Variants in PPARA observed in about 807,000 individuals in gnomAD.
PPARA encodes the protein peroxisome proliferator activated receptor alpha.
PPARA carries 22 observed loss-of-function variants against 42.2 expected under a neutral mutation model. That is an observed-to-expected ratio of 0.52 (90% CI 0.37 to 0.74). The LOEUF (loss-of-function observed/expected upper bound fraction) is 0.74. Among genes scored for constraint, PPARA ranks in the 30% least tolerant of loss-of-function variants. PPARA has a pLI of 0.00. For synonymous variants in PPARA, 242 were observed against 239.3 expected (o/e 1.01, Z -0.10); for missense variants, 465 against 608.2 (o/e 0.76, Z 2.48).
chr22:46,161,646 C>T lies in PPARA; in HGVS notation c.-127+9676C>T, dbSNP rs918045280. Among the ~76,000 whole-genome samples, 12 of 152,138 alleles carry T rather than the reference C, an allele frequency of 7.9e-5. No homozygotes were observed. Among genetic ancestry groups the T allele is most frequent in the Non-Finnish European group, 1.8e-4 (12 of 68,034 alleles). On this transcript the variant is annotated intron_variant, in intron 2 of 8. Coordinates refer to ENST00000407236, the MANE Select transcript of PPARA (RefSeq NM_005036.6). This position sits in a 1 kb window ranked among gnomAD's most constrained non-coding sequence, Gnocchi z 4.8. ...AACTCAGAAAAGGAATTAATTTCTTCTGAGAGAGAAAAAGATGAGATTCTA... is the reference window on the plus strand; with the variant it reads ...AACTCAGAAAAGGAATTAATTTCTTTTGAGAGAGAAAAAGATGAGATTCTA...
chr22:46,218,918 T>C (rs1294061336), intron 6 of PPARA, among the ~76,000 whole-genome samples: 1 of 150,746 alleles, frequency 6.6e-6, no homozygotes, highest in Non-Finnish European at 1.5e-5. Context: ...ATCCCAGCAC[T>C]TTGGAGGCCG....
Position 46,200,654 on chromosome 22 carries a change from G to A in PPARA, c.208+2063G>A, listed in dbSNP as rs1401996053. On this transcript the variant is annotated intron_variant, in intron 4 of 8. Transcript: ENST00000407236. The surrounding 1 kb of genome is among the most constrained non-coding windows in gnomAD (Gnocchi z 4.8). ...AACTTGGCTGGGCGCAGTGGCTCAC[G>A]CCTGTAATCCCAACACTTTGGGAGG... Among the ~76,000 whole-genome samples the A allele has an allele frequency of 6.6e-6, 1 of 152,240 alleles. No homozygotes were observed. Among genetic ancestry groups the A allele is most frequent in the African/African-American group, 2.4e-5 (1 of 41,464 alleles).
At chr22:46,172,164 G>T (rs763163334) in intron 2 of PPARA, among the ~76,000 whole-genome samples, 3 of 152,024 alleles carry the variant, frequency 2.0e-5, no homozygotes, top group African/African-American at 7.3e-5. Flanking sequence ...GGTGATCAGG[G>T]TTCTCCTTCA....
chr22:46,229,323 G>A (rs1432914739), intron 7 of PPARA, among the ~76,000 whole-genome samples: 1 of 152,088 alleles, frequency 6.6e-6, no homozygotes, highest in East Asian at 1.9e-4. Flanking sequence ...GAAGGCTGAG[G>A]TGGACAGATT....
chr22:46,178,922 C>T (rs956581510), intron 3 of PPARA, among the ~76,000 whole-genome samples: 2 of 152,112 alleles, frequency 1.3e-5, no homozygotes, highest in Admixed American at 6.6e-5. Context: ...GATGTGTACA[C>T]AGTGAAGCAG....
intron 3 of PPARA, among the ~76,000 whole-genome samples, chr22:46,177,373 G>A (rs1258331142): frequency 6.7e-6 from 1 of 150,254 alleles, no homozygotes; most frequent in African/African-American, 2.5e-5. Context: ...GCTGAGGCAG[G>A]AGAATGCTTG....
At position 46,240,082 on chromosome 22, in the gene PPARA, G is replaced by A. The variant is rs1601840899; in HGVS notation, c.*4702G>A. The A allele has an allele frequency of 2.5e-6, 1 of 398,728 alleles. No individual in the cohort carries two copies. The highest frequency in any genetic ancestry group is 3.6e-5 in the East Asian group (1 of 28,088). 24.7% of individuals were successfully genotyped at this position (398,728 alleles called of 1,614,324 possible). A position where few individuals can be genotyped will look rare whatever the true frequency, so the allele number is the denominator to read the frequency against. ...GGCCTTTGGTGGGGGGCTTCCTGGG[G>A]CCTGGGGAAAGCTGGCCACCTTCAA... On this transcript the variant is annotated 3_prime_UTR_variant, in exon 9 of 9. Coordinates refer to ENST00000407236, the MANE Select transcript of PPARA (RefSeq NM_005036.6). The surrounding 1 kb of genome is among the most constrained non-coding windows in gnomAD (Gnocchi z 6.0).
In PPARA at chr22:46,219,867, T is replaced by C. The variant is rs1367129417; in HGVS notation, c.564T>C (p.Ile188=). The C allele has an allele frequency of 6.2e-7, 1 of 1,614,190 alleles. No individual in the cohort carries two copies. Among genetic ancestry groups the C allele is most frequent in the Admixed American group, 1.7e-5 (1 of 60,014 alleles). ...AGAAAGCAAAACTGAAAGCAGAAAT[T>C]CTTACCTGTGAACATGACATAGAAG... ...RSEKAKLKAE[I]LTCEHDIEDS... is the part of the protein sequence containing the mutation. Residue 188 remains isoleucine, a synonymous_variant, in exon 7 of 9, where the codon ATT becomes ATC. Transcript: ENST00000407236. The surrounding 1 kb of genome is among the most constrained non-coding windows in gnomAD (Gnocchi z 4.8).
chr22:46,228,045 T>C (rs1668551055), intron 7 of PPARA, among the ~76,000 whole-genome samples: 2 of 152,180 alleles, frequency 1.3e-5, no homozygotes, highest in Non-Finnish European at 2.9e-5. Flanking sequence ...AAAACCAAAG[T>C]GATAATTTTA....
chr22:46,208,689 C>T (rs1933631119), intron 4 of PPARA, among the ~76,000 whole-genome samples: 1 of 152,038 alleles, frequency 6.6e-6, no homozygotes. Flanking sequence ...TTTTGACCAA[C>T]ATCTCCCCAT....
At position 46,184,469 on chromosome 22, in the gene PPARA, T is replaced by G. The variant is rs947212541; in HGVS notation, c.-43+7633T>G. Among the ~76,000 whole-genome samples, 1 of 152,228 alleles carries G rather than the reference T, an allele frequency of 6.6e-6. No homozygotes were observed. Among genetic ancestry groups the G allele is most frequent in the Non-Finnish European group, 1.5e-5 (1 of 68,042 alleles). On this transcript the variant is annotated intron_variant, in intron 3 of 8. Coordinates refer to ENST00000407236, the MANE Select transcript of PPARA (RefSeq NM_005036.6). The surrounding 1 kb of genome is among the most constrained non-coding windows in gnomAD (Gnocchi z 4.4). ...CCTTGCACCTGATGGAGGGCTTCTC[T>G]GAATATAGGGCTATGGGGTCAGAAG...
chr22:46,198,424 T>C lies in PPARA; in HGVS notation c.41T>C (p.Leu14Pro). Residue 14 changes from leucine to proline, a missense_variant, in exon 4 of 9, where the codon CTC becomes CCC. Around this residue, in one of 2 missense-constraint regions of PPARA, gnomAD observed 152 missense variants for 139.1 expected, o/e 1.09. Coordinates refer to ENST00000407236, the MANE Select transcript of PPARA (RefSeq NM_005036.6). ...TESPLCPLSP[L>P]EAGDLESPLS... ...AGCCCACTCTGCCCCCTCTCCCCAC[T>C]CGAGGCCGGCGATCTAGAGAGCCCG... 1 of 1,613,698 alleles carries C rather than the reference T, an allele frequency of 6.2e-7. No individual in the cohort carries two copies. The highest frequency in any genetic ancestry group is 8.5e-7 in the Non-Finnish European group (1 of 1,179,914).
rs1926925116 is a variant in PPARA, at chr22:46,165,609, G to A, written c.-126-11144G>A. Among the ~76,000 whole-genome samples, 1 of 152,112 alleles carries A rather than the reference G, an allele frequency of 6.6e-6. No individual in the cohort carries two copies. Among genetic ancestry groups the A allele is most frequent in the African/African-American group, 2.4e-5 (1 of 41,412 alleles). On this transcript the variant is annotated intron_variant, in intron 2 of 8. Coordinates refer to ENST00000407236, the MANE Select transcript of PPARA (RefSeq NM_005036.6). The surrounding 1 kb of genome is among the most constrained non-coding windows in gnomAD (Gnocchi z 5.5). ...GTAAACATCCCAAACTTTGGATTGG[G>A]ACCCAAAAAAGCTCCATCCCAGGAG...
At chr22:46,198,955 G>A (rs996192561) in intron 4 of PPARA, among the ~76,000 whole-genome samples, 9 of 152,040 alleles carry the variant, frequency 5.9e-5, no homozygotes, top group Admixed American at 2.0e-4. Context: ...CACCGCGCCC[G>A]GCCGAAAACT....
Position 46,225,955 on chromosome 22 carries a change from A to G in PPARA, c.712-5837A>G, listed in dbSNP as rs984144965. On this transcript the variant is annotated intron_variant, in intron 7 of 8. Transcript: ENST00000407236. The surrounding 1 kb of genome is among the most constrained non-coding windows in gnomAD (Gnocchi z 4.1). The stretch of plus-strand genomic sequence containing the variant: ...CTCACACACATGCACCCAGGCACAC[A>G]CAAATCCACATTCACCCATACAGTC... Among the ~76,000 whole-genome samples, 1 of 151,894 alleles carries G rather than the reference A, an allele frequency of 6.6e-6. No homozygotes were observed. The highest frequency in any genetic ancestry group is 2.4e-5 in the African/African-American group (1 of 41,280).
Position 46,231,640 on chromosome 22 carries a change from G to T in PPARA, c.712-152G>T, listed in dbSNP as rs1210129549. The stretch of plus-strand genomic sequence containing the variant: ...CTTATTTTCCCCAACCGATTTTGAA[G>T]TTGAGTAAGGACTATGTTCCGCGGG... On this transcript the variant is annotated intron_variant, in intron 7 of 8. Transcript: ENST00000407236. The surrounding 1 kb of genome is among the most constrained non-coding windows in gnomAD (Gnocchi z 7.7). 2 of 762,426 alleles carry T rather than the reference G, an allele frequency of 2.6e-6. No individual in the cohort carries two copies. Among genetic ancestry groups the T allele is most frequent in the Admixed American group, 2.2e-5 (1 of 45,108 alleles). The allele number at this position is 762,426 out of a possible 1,614,324, so 47.2% of individuals were successfully genotyped here.
At chr22:46,208,031 T>G (rs1222758265) in intron 4 of PPARA, among the ~76,000 whole-genome samples, 1 of 152,160 alleles carries the variant, frequency 6.6e-6, no homozygotes, top group African/African-American at 2.4e-5. Flanking sequence ...TAAAAGAAAC[T>G]TGGTGTCATC....
intron 2 of PPARA, among the ~76,000 whole-genome samples, chr22:46,175,713 T>TA (rs869225389): frequency 0.011 from 1,443 of 133,176 alleles, 7 homozygotes; most frequent in African/African-American, 0.021. Flanking sequence ...GACTCCATCT[T>TA]AAAAAAAAAA....
rs1202266077 is a variant in PPARA, at chr22:46,227,174, A to G, written c.712-4618A>G. On this transcript the variant is annotated intron_variant, in intron 7 of 8. Transcript: ENST00000407236. This position sits in a 1 kb window ranked among gnomAD's most constrained non-coding sequence, Gnocchi z 4.3. The stretch of plus-strand genomic sequence containing the variant: ...TATTTTATGCCATTTCTACAAATGT[A>G]TAGTAAAACATAACCAAGAGAGCTT... 7.3e-6 allele frequency among the ~76,000 whole-genome samples: 1 copy of G among 136,408 alleles called. No homozygotes were observed. Among genetic ancestry groups the G allele is most frequent in the African/African-American group, 3.1e-5 (1 of 32,238 alleles). 89.5% of individuals were successfully genotyped at this position (136,408 alleles called of 152,430 possible). A position where few individuals can be genotyped will look rare whatever the true frequency, so the allele number is the denominator to read the frequency against.
Sources: allele counts gnomAD v4.1 joint callset (sites outside exome capture counted in the v4.1 genomes callset), GRCh38; gene constraint gnomAD v4.1.1; regional missense constraint gnomAD v4.1.1; non-coding constraint Gnocchi (gnomAD v3.1); transcripts MANE v1.5; gene names NCBI Gene and HGNC (gene_info 2026-07-23, HGNC 2026-07-21).